SOBP: variants seen among roughly 807,000 people sequenced by gnomAD.
SOBP encodes sine oculis binding protein homolog, also known as sine oculis-binding protein homolog.
Under a neutral mutation model 53.6 loss-of-function variants are expected in SOBP, and 4 were observed. The observed-to-expected ratio is 0.07, with a 90% CI of 0.04 to 0.17. The LOEUF is 0.17. Ranked by LOEUF, SOBP falls within the 10% of genes least tolerant of loss-of-function variation. The probability of loss-of-function intolerance (pLI) is 1.00; values close to 1 mark genes in which losing one functional copy is unlikely to be tolerated. For synonymous variants in SOBP, 584 were observed against 522.6 expected, an observed-to-expected ratio of 1.12 and a Z score of -1.60; for missense variants, 1,088 against 1,204.7, an observed-to-expected ratio of 0.90 and a Z score of 1.43.
chr6:107,559,373 T>TTGA, intron 4 of SOBP, among the ~76,000 whole-genome samples: 1 of 152,336 alleles, frequency 6.6e-6, no homozygotes, highest in South Asian at 2.1e-4. Context: ...GCTACACTAG[T>TTGA]TGACCAGCAT....
intron 5 of SOBP, among the ~76,000 whole-genome samples, chr6:107,588,446 A>G (rs1785635109): frequency 6.6e-6 from 1 of 152,086 alleles, no homozygotes; most frequent in African/African-American, 2.4e-5. Context: ...AACTTAACTT[A>G]TGTTTTATCT....
intron 5 of SOBP, among the ~76,000 whole-genome samples, chr6:107,632,214 G>A (rs1356221058): frequency 6.6e-6 from 1 of 151,940 alleles, no homozygotes; most frequent in Admixed American, 6.6e-5. Flanking sequence ...GAACAATATT[G>A]GAACCAGTGC....
intron 5 of SOBP, among the ~76,000 whole-genome samples, chr6:107,602,585 AAAGGAAAGGG>A (rs992056418): frequency 6.6e-6 from 1 of 151,038 alleles, no homozygotes; most frequent in African/African-American, 2.4e-5. Flanking sequence ...AAAAAAAAAA[AAAGGAAAGGG>A]AAAGGAAAGG....
chr6:107,518,054 A>G (rs1385309710), intron 3 of SOBP, among the ~76,000 whole-genome samples: 1 of 152,240 alleles, frequency 6.6e-6, no homozygotes, highest in Non-Finnish European at 1.5e-5. Context: ...TTTCCAAAGA[A>G]TGAAAAAGCA....
intron 4 of SOBP, among the ~76,000 whole-genome samples, chr6:107,572,485 G>C (rs1033063065): frequency 6.6e-6 from 1 of 152,070 alleles, no homozygotes; most frequent in African/African-American, 2.4e-5. Flanking sequence ...TGTATTTTTA[G>C]TAGAGACAGG....
chr6:107,566,486 C>T (rs181767643), intron 4 of SOBP, among the ~76,000 whole-genome samples: 13 of 152,306 alleles, frequency 8.5e-5, no homozygotes, highest in Non-Finnish European at 1.9e-4. Context: ...TAGCCAGGCT[C>T]TTCAGGAAAG....
chr6:107,615,828 C>G (rs1467965061), intron 5 of SOBP, among the ~76,000 whole-genome samples: 1 of 151,722 alleles, frequency 6.6e-6, no homozygotes, highest in Non-Finnish European at 1.5e-5. Context: ...AGAGACCAGC[C>G]TGGGCAACAG....
chr6:107,573,019 C>T (rs945617641), intron 4 of SOBP, among the ~76,000 whole-genome samples: 27 of 152,122 alleles, frequency 1.8e-4, no homozygotes, highest in African/African-American at 6.3e-4. Flanking sequence ...GTTTGTTGAC[C>T]GAGATGCTGC....
intron 4 of SOBP, among the ~76,000 whole-genome samples, chr6:107,570,755 C>A (rs1332903407): frequency 1.3e-5 from 2 of 152,222 alleles, no homozygotes; most frequent in Non-Finnish European, 2.9e-5. Context: ...GAGATTGATC[C>A]ACATTTGGTG....
chr6:107,490,446 C>A lies in SOBP; in HGVS notation c.-171C>A. 1 of 586,338 alleles carries A rather than the reference C, an allele frequency of 1.7e-6. No homozygotes were observed. The highest frequency in any genetic ancestry group is 3.0e-6 in the Non-Finnish European group (1 of 330,128). 36.3% of individuals were successfully genotyped at this position (586,338 alleles called of 1,614,324 possible). On this transcript the variant is annotated 5_prime_UTR_variant, in exon 1 of 7. Transcript: ENST00000317357. ...CGTCCTCCGCCGCTAGAAGAGACCC[C>A]GCTTCTCGGCGCCTGCCCTCCCCCT...
intron 1 of SOBP, among the ~76,000 whole-genome samples, chr6:107,499,798 T>G (rs115221592): frequency 0.029 from 4,487 of 152,288 alleles, 242 homozygotes; most frequent in African/African-American, 0.1. Context: ...GTAAAGATTT[T>G]GAGGGAGGCA....
At chr6:107,599,360 C>A (rs922428196) in intron 5 of SOBP, among the ~76,000 whole-genome samples, 1 of 152,082 alleles carries the variant, frequency 6.6e-6, no homozygotes, top group African/African-American at 2.4e-5. Context: ...GAAATACTAA[C>A]AAATAAAACT....
Position 107,634,893 on chromosome 6 carries a change from C to A in SOBP, c.2049C>A (p.Ser683Arg), listed in dbSNP as rs945395751. ...ACGTCAAGGCGGAGCGCGAGCCGAG[C>A]GCCGCGGAGCGCAGGACCTGCGGCG... ...HAHVKAEREPSAAERRTCGGC... is the reference protein window; with the variant it reads ...HAHVKAEREPRAAERRTCGGC... The change falls in exon 6 of 7, where the codon AGC becomes AGA. Residue 683 changes from serine (S) to arginine (R), a missense_variant. Ser to Arg is a moderately radical substitution (Grantham distance 110). Coordinates refer to ENST00000317357, the MANE Select transcript of SOBP (RefSeq NM_018013.4). This position sits in a 1 kb window ranked among gnomAD's most constrained non-coding sequence, Gnocchi z 4.5. The A allele has an allele frequency of 3.1e-6, 4 of 1,300,624 alleles. No homozygotes were observed. Among genetic ancestry groups the A allele is most frequent in the Admixed American group, 2.8e-5 (1 of 36,332 alleles). The allele number at this position is 1,300,624 out of a possible 1,614,324, so 80.6% of individuals were successfully genotyped here. A position where few individuals can be genotyped will look rare whatever the true frequency, so the allele number is the denominator to read the frequency against.
At chr6:107,653,648 T>A (rs1217327172) in intron 6 of SOBP, among the ~76,000 whole-genome samples, 2 of 152,208 alleles carry the variant, frequency 1.3e-5, no homozygotes, top group African/African-American at 4.8e-5. Flanking sequence ...ATTTTGATTA[T>A]GCTAATTACA....
At chr6:107,500,742 G>C (rs1056370557) in intron 1 of SOBP, among the ~76,000 whole-genome samples, 2 of 152,022 alleles carry the variant, frequency 1.3e-5, no homozygotes, top group Non-Finnish European at 1.5e-5. Context: ...AGCCAGGATG[G>C]TCTCGATCTC....
intron 3 of SOBP, among the ~76,000 whole-genome samples, chr6:107,527,782 A>G (rs1783706509): frequency 6.6e-6 from 1 of 152,160 alleles, no homozygotes; most frequent in South Asian, 2.1e-4. Flanking sequence ...ATGTACATCT[A>G]CTACCTCATT....
chr6:107,628,382 G>A (rs1018247097), intron 5 of SOBP, among the ~76,000 whole-genome samples: 3 of 152,142 alleles, frequency 2.0e-5, no homozygotes, highest in Non-Finnish European at 4.4e-5. Flanking sequence ...GGAGCAAGGT[G>A]GGGGCTGGTA....
chr6:107,541,159 G>T (rs1295009789), intron 4 of SOBP, among the ~76,000 whole-genome samples: 2 of 152,088 alleles, frequency 1.3e-5, no homozygotes, highest in African/African-American at 4.8e-5. Context: ...GTGGTTGAGG[G>T]TTAACCACTC....
At position 107,634,942 on chromosome 6, in the gene SOBP, C is replaced by T; in HGVS notation, c.2098C>T (p.Pro700Ser). 1 of 1,066,688 alleles carries T rather than the reference C, an allele frequency of 9.4e-7. No homozygotes were observed. The highest frequency in any genetic ancestry group is 1.1e-6 in the Non-Finnish European group (1 of 884,900). 66.1% of individuals were successfully genotyped at this position (1,066,688 alleles called of 1,614,324 possible). ...CGGCRDGHCS[P>S]PAAGDPGPGA... ...CGGCTGCAGGGACGGCCACTGCAGC[C>T]CGCCCGCCGCCGGCGACCCAGGCCC... is the stretch of plus-strand genomic sequence containing the variant. Residue 700 changes from proline to serine, a missense_variant, in exon 6 of 7, where the codon CCG becomes TCG. By Grantham distance (74) the Pro-to-Ser change is moderately conservative. Coordinates refer to ENST00000317357, the MANE Select transcript of SOBP (RefSeq NM_018013.4). This position sits in a 1 kb window ranked among gnomAD's most constrained non-coding sequence, Gnocchi z 4.5.
Sources: gnomAD v4.1 joint callset for allele counts (sites outside exome capture counted in the v4.1 genomes callset) on GRCh38, gnomAD v4.1.1 for gene constraint, Gnocchi (gnomAD v3.1) non-coding constraint, MANE v1.5 for transcripts, NCBI Gene and HGNC (gene_info 2026-07-23, HGNC 2026-07-21) for gene names.